MGMT: variants seen among roughly 807,000 people sequenced by gnomAD.
MGMT encodes the protein O-6-methylguanine-DNA methyltransferase, also known as methylated-DNA--protein-cysteine methyltransferase.
A neutral mutation model predicts 15.9 loss-of-function variants in MGMT; 14 were observed. The observed-to-expected ratio is 0.88, with a 90% confidence interval of 0.58 to 1.37. The LOEUF is 1.37. Among genes scored for constraint, MGMT ranks in the 40% most tolerant of loss-of-function variants. The pLI is 0.00. For missense variants in MGMT, 282 were observed against 268.1 expected (o/e 1.05, Z -0.36); for synonymous variants, 130 against 118.2 (o/e 1.10, Z -0.65).
intron 2 of MGMT, among the ~76,000 whole-genome samples, chr10:129,551,406 C>G (rs923334993): frequency 1.3e-5 from 2 of 152,000 alleles, no homozygotes; most frequent in Non-Finnish European, 2.9e-5. Flanking sequence ...CAGAAGGCCC[C>G]GGGGATGATA....
chr10:129,543,707 A>G (rs1380085942), intron 2 of MGMT, among the ~76,000 whole-genome samples: 1 of 152,180 alleles, frequency 6.6e-6, no homozygotes, highest in Non-Finnish European at 1.5e-5. Context: ...AAAGCAATGC[A>G]AAAGTTTTAT....
At chr10:129,685,818 G>C (rs1847898640) in intron 2 of MGMT, among the ~76,000 whole-genome samples, 1 of 152,244 alleles carries the variant, frequency 6.6e-6, no homozygotes, top group Non-Finnish European at 1.5e-5. Context: ...GTCTGTTGCT[G>C]ATGAATAGTC....
At chr10:129,716,285 G>T (rs1006750730) in intron 3 of MGMT, among the ~76,000 whole-genome samples, 1 of 152,118 alleles carries the variant, frequency 6.6e-6, no homozygotes. Flanking sequence ...CACCCTCTCC[G>T]CCAGTAAATA....
chr10:129,597,886 A>G (rs1846769578), intron 2 of MGMT, among the ~76,000 whole-genome samples: 1 of 152,216 alleles, frequency 6.6e-6, no homozygotes, highest in Non-Finnish European at 1.5e-5. Context: ...TTGTATTTAA[A>G]AAATGGCATA....
At chr10:129,589,323 C>A (rs1368781172) in intron 2 of MGMT, among the ~76,000 whole-genome samples, 1 of 152,138 alleles carries the variant, frequency 6.6e-6, no homozygotes, top group Non-Finnish European at 1.5e-5. Context: ...GTGTGTTGTC[C>A]CTTCATCACG....
chr10:129,751,881 ATTGCAGTCATT>A, intron 3 of MGMT, among the ~76,000 whole-genome samples: 1 of 152,104 alleles, frequency 6.6e-6, no homozygotes, highest in East Asian at 1.9e-4. Flanking sequence ...AACTTATATG[ATTGCAGTCATT>A]TTGCATGTGT....
At chr10:129,580,663 T>C (rs921752996) in intron 2 of MGMT, among the ~76,000 whole-genome samples, 1 of 152,196 alleles carries the variant, frequency 6.6e-6, no homozygotes, top group Non-Finnish European at 1.5e-5. Flanking sequence ...AAAAGGATGC[T>C]GGACAGACAT....
intron 1 of MGMT, among the ~76,000 whole-genome samples, chr10:129,518,910 C>T (rs901971054): frequency 4.6e-5 from 7 of 151,812 alleles, no homozygotes; most frequent in African/African-American, 9.7e-5. Flanking sequence ...CATATTTTGC[C>T]GTTTGTATTA....
At chr10:129,619,674 C>T (rs575220921) in intron 2 of MGMT, among the ~76,000 whole-genome samples, 166 of 152,168 alleles carry the variant, frequency 1.1e-3, no homozygotes, top group South Asian at 2.7e-3. Flanking sequence ...TTTTGAATTT[C>T]TTCATGACTC....
chr10:129,577,403 A>G (rs61859894), intron 2 of MGMT, among the ~76,000 whole-genome samples: 13,922 of 152,264 alleles, frequency 0.091, 823 homozygotes, highest in East Asian at 0.3. Context: ...CTATCTGATC[A>G]TTGATAAACC....
At chr10:129,762,710 T>C (rs757047710) in intron 4 of MGMT, among the ~76,000 whole-genome samples, 1 of 152,184 alleles carries the variant, frequency 6.6e-6, no homozygotes, top group Non-Finnish European at 1.5e-5. Context: ...AACAAATGCA[T>C]TCCTGAGGAG....
intron 2 of MGMT, chr10:129,700,226 TTTG>T (rs1431761136): frequency 6.6e-6 from 1 of 152,148 alleles, no homozygotes; most frequent in African/African-American, 2.4e-5. Context: ...TGGCATGCCG[TTTG>T]TTTTTTATCT....
chr10:129,531,040 G>C (rs1276686418), intron 1 of MGMT, among the ~76,000 whole-genome samples: 1 of 152,224 alleles, frequency 6.6e-6, no homozygotes, highest in Non-Finnish European at 1.5e-5. Context: ...AGGCTGGGGT[G>C]CTGTCAGGGT....
chr10:129,736,230 C>T (rs878891380), intron 3 of MGMT, among the ~76,000 whole-genome samples: 17 of 149,220 alleles, frequency 1.1e-4, no homozygotes, highest in African/African-American at 3.7e-4. Flanking sequence ...ACTTGCTTTA[C>T]GAATCTGGGT....
At chr10:129,685,109 G>A (rs936935333) in intron 2 of MGMT, among the ~76,000 whole-genome samples, 2 of 152,182 alleles carry the variant, frequency 1.3e-5, no homozygotes, top group African/African-American at 2.4e-5. Context: ...AGCCAATGTC[G>A]TTGGTCAGCT....
At position 129,766,991 on chromosome 10, in the gene MGMT, A is replaced by G; in HGVS notation, c.618A>G (p.Arg206=). ...CCTCGGGCTCCCCGCCTGCTGGCCG[A>G]AACTGAGTATGTGCAGTAGGATGGA... ...GATSGSPPAG[R]N is the part of the protein sequence containing the mutation. The change falls in exon 5 of 5, where the codon CGA becomes CGG. Residue 206 remains arginine, a synonymous_variant. Coordinates refer to ENST00000651593, the MANE Select transcript of MGMT (RefSeq NM_002412.5). 1 of 1,599,204 alleles carries G rather than the reference A, an allele frequency of 6.3e-7. No individual in the cohort carries two copies. Among genetic ancestry groups the G allele is most frequent in the Non-Finnish European group, 8.5e-7 (1 of 1,172,864 alleles).
chr10:129,481,680 A>C (rs1377310039), intron 1 of MGMT, among the ~76,000 whole-genome samples: 1 of 152,114 alleles, frequency 6.6e-6, no homozygotes, highest in East Asian at 1.9e-4. Flanking sequence ...TGTATTTGTC[A>C]AGGAATTTGA....
At position 129,646,754 on chromosome 10, in the gene MGMT, A is replaced by ATATATATTTTTTTTTTTTTTTTTTT; in HGVS notation, c.126-61140_126-61139insATATATTTTTTTTTTTTTTTTTTTT. 1.2e-3 allele frequency among the ~76,000 whole-genome samples: 102 copies of ATATATATTTTTTTTTTTTTTTTTTT among 86,510 alleles called. 1 individual carries two copies. Among genetic ancestry groups the ATATATATTTTTTTTTTTTTTTTTTT allele is most frequent in the Non-Finnish European group, 2.2e-3 (86 of 38,796 alleles). 56.8% of individuals were successfully genotyped at this position (86,510 alleles called of 152,430 possible). On this transcript the variant is annotated intron_variant, in intron 2 of 4. Coordinates refer to ENST00000651593, the MANE Select transcript of MGMT (RefSeq NM_002412.5). ...TATATATATATATATATATATATAT[A>ATATATATTTTTTTTTTTTTTTTTTT]TTTTCAGGGAATGGTAGAGAACAGT...
Position 129,532,809 on chromosome 10 carries a change from T to C in MGMT, c.-12-3432T>C, listed in dbSNP as rs773301074. ...TCAGGTAGAGGAGTCAGGGGTCTTA[T>C]TGATGAGGAAATAGAGGCTTGAGAG... On this transcript the variant is annotated intron_variant, in intron 1 of 4. Coordinates refer to ENST00000651593, the MANE Select transcript of MGMT (RefSeq NM_002412.5). This position sits in a 1 kb window ranked among gnomAD's most constrained non-coding sequence, Gnocchi z 5.3. Among the ~76,000 whole-genome samples, 22 of 152,238 alleles carry C rather than the reference T, an allele frequency of 1.4e-4. No homozygotes were observed. Among genetic ancestry groups the C allele is most frequent in the African/African-American group, 3.9e-4 (16 of 41,556 alleles).
Sources: allele counts gnomAD v4.1 joint callset (sites outside exome capture counted in the v4.1 genomes callset), GRCh38; gene constraint gnomAD v4.1.1; non-coding constraint Gnocchi (gnomAD v3.1); transcripts MANE v1.5; gene names NCBI Gene and HGNC (gene_info 2026-07-23, HGNC 2026-07-21).